The following PRR23E variants were observed in gnomAD, a reference collection of about 807,000 sequenced individuals.
PRR23E encodes the protein proline-rich protein 23E.
At chr3:127,197,461 G>A in the PRR23E span, 1 of 1,435,060 alleles carries the variant, frequency 7.0e-7, no homozygotes, top group South Asian at 1.5e-5. Context: ...GACATGTCTG[G>A]TGGAGCCCAG....
At chr3:127,197,397 C>T in the PRR23E span, 104 of 1,557,288 alleles carry the variant, frequency 6.7e-5, no homozygotes, top group Admixed American at 1.2e-4. Context: ...GGCCCGCCGC[C>T]GCCTCTTTGA....
the PRR23E span, among the ~76,000 whole-genome samples, chr3:127,194,576 G>T: frequency 6.6e-6 from 1 of 152,136 alleles, no homozygotes; most frequent in African/African-American, 2.4e-5. Context: ...CCTCAGTATG[G>T]GTAACCTTGG....
At chr3:127,193,482 A>G in the PRR23E span, among the ~76,000 whole-genome samples, 1 of 151,836 alleles carries the variant, frequency 6.6e-6, no homozygotes, top group East Asian at 1.9e-4. Context: ...CCTATGAGAC[A>G]GCTCTCTCCA....
At chr3:127,197,156 A>T in the PRR23E span, 5 of 1,593,014 alleles carry the variant, frequency 3.1e-6, no homozygotes, top group Admixed American at 5.0e-5. Flanking sequence ...CCCAGGTGGG[A>T]TGCTGGACTC....
At chr3:127,194,495 T>C in the PRR23E span, among the ~76,000 whole-genome samples, 1 of 152,182 alleles carries the variant, frequency 6.6e-6, no homozygotes, top group Non-Finnish European at 1.5e-5. Flanking sequence ...ACATACGATG[T>C]AGTGTGTTTT....
the PRR23E span, chr3:127,196,533 C>A: frequency 3.2e-6 from 4 of 1,248,466 alleles, no homozygotes; most frequent in Non-Finnish European, 4.3e-6. Context: ...CTCCTCCCAT[C>A]CCCTCCTGTG....
chr3:127,197,038 C>A, the PRR23E span: 1 of 1,594,554 alleles, frequency 6.3e-7, no homozygotes, highest in Non-Finnish European at 8.5e-7. Flanking sequence ...ATAGGAAGTC[C>A]GTATCTGGCT....
chr3:127,193,321 G>C, the PRR23E span: 2 of 152,290 alleles, frequency 1.3e-5, no homozygotes, highest in Admixed American at 1.3e-4. Context: ...GATGGCTGAG[G>C]GGGTGGGGCG....
the PRR23E span, chr3:127,196,899 T>C: frequency 5.0e-6 from 8 of 1,599,446 alleles, no homozygotes; most frequent in Non-Finnish European, 5.9e-6. Context: ...CCCACAAGCT[T>C]ACCCAGCCTT....
the PRR23E span, chr3:127,196,920 C>A: frequency 6.3e-7 from 1 of 1,599,486 alleles, no homozygotes; most frequent in Non-Finnish European, 8.5e-7. Context: ...CTGGGCTTAC[C>A]CGTGGGTGCT....
the PRR23E span, among the ~76,000 whole-genome samples, chr3:127,194,828 T>C: frequency 3.5e-3 from 540 of 152,316 alleles, 6 homozygotes; most frequent in African/African-American, 0.012. Context: ...TCATTGTGTG[T>C]CCTTCAGGTC....
chr3:127,196,544 C>T, the PRR23E span: 10 of 1,361,204 alleles, frequency 7.3e-6, no homozygotes, highest in South Asian at 4.7e-5. Context: ...CCCTCCTGTG[C>T]GACCTGGTCT....
the PRR23E span, among the ~76,000 whole-genome samples, chr3:127,193,999 A>T: frequency 6.6e-6 from 1 of 152,230 alleles, no homozygotes; most frequent in Non-Finnish European, 1.5e-5. Flanking sequence ...TGTATCTGAC[A>T]TATGATTAGC....
the PRR23E span, among the ~76,000 whole-genome samples, chr3:127,194,244 A>G: frequency 2.0e-5 from 3 of 152,176 alleles, no homozygotes; most frequent in African/African-American, 7.2e-5. Context: ...AGGGGTGTCC[A>G]ATCTTTTGGC....
At chr3:127,196,954 G>C in the PRR23E span, 19 of 1,599,468 alleles carry the variant, frequency 1.2e-5, no homozygotes, top group South Asian at 1.8e-4. Context: ...CTCTGGATGG[G>C]TTATCCCCCT....
At chr3:127,196,873 C>T in the PRR23E span, 2 of 1,599,426 alleles carry the variant, frequency 1.3e-6, no homozygotes, top group South Asian at 1.1e-5. Context: ...GTCATCTACT[C>T]CTGCATGGGA....
chr3:127,196,092 C>A, the PRR23E span, among the ~76,000 whole-genome samples: 1 of 152,186 alleles, frequency 6.6e-6, no homozygotes, highest in Admixed American at 6.5e-5. Flanking sequence ...ACACTGCATC[C>A]TTTGGAGGAA....
At chr3:127,195,934 C>G in the PRR23E span, among the ~76,000 whole-genome samples, 1 of 152,166 alleles carries the variant, frequency 6.6e-6, no homozygotes, top group Non-Finnish European at 1.5e-5. Context: ...CTGATGTGCC[C>G]TCTCCTGGAT....
the PRR23E span, chr3:127,197,009 C>T: frequency 6.3e-7 from 1 of 1,597,826 alleles, no homozygotes; most frequent in South Asian, 1.1e-5. Context: ...GGAGGGGCGC[C>T]TCCAGCTTTG....
Sources: gnomAD v4.1 joint callset for allele counts (sites outside exome capture counted in the v4.1 genomes callset) on GRCh38, gnomAD v4.1.1 for gene constraint, MANE v1.5 for transcripts, NCBI Gene and HGNC (gene_info 2026-07-23, HGNC 2026-07-21) for gene names.